The following LDLRAD3 variants were observed in gnomAD, a reference collection of about 807,000 sequenced individuals.
LDLRAD3 encodes the protein low density lipoprotein receptor class A domain containing 3.
A neutral mutation model predicts 29.4 loss-of-function variants in LDLRAD3; 20 were observed. The observed-to-expected ratio is 0.68, with a 90% CI of 0.48 to 0.99. The LOEUF (loss-of-function observed/expected upper bound fraction) is 0.99, where lower values mean the gene tolerates loss of function less well. Among genes scored for constraint, LDLRAD3 ranks in the 50% least tolerant of loss-of-function variants. The probability of loss-of-function intolerance (pLI) is 0.00; values close to 1 mark genes in which losing one functional copy is unlikely to be tolerated. For synonymous variants in LDLRAD3, 157 were observed against 192.7 expected, an observed-to-expected ratio of 0.81 and a Z score of 1.53; for missense variants, 420 against 454.3, an observed-to-expected ratio of 0.92 and a Z score of 0.69.
intron 4 of LDLRAD3, among the ~76,000 whole-genome samples, chr11:36,145,272 G>A (rs1485247752): frequency 2.1e-5 from 2 of 95,538 alleles, no homozygotes; most frequent in Non-Finnish European, 4.2e-5. Context: ...TCAGCCCCCC[G>A]CCCGGCCAGC....
At chr11:36,192,249 T>G (rs991431597) in intron 4 of LDLRAD3, among the ~76,000 whole-genome samples, 1 of 152,224 alleles carries the variant, frequency 6.6e-6, no homozygotes, top group Admixed American at 6.5e-5. Context: ...ACTTTAAACG[T>G]GAGCTATCAA....
At chr11:36,005,555 TC>T (rs1357037260) in intron 1 of LDLRAD3, among the ~76,000 whole-genome samples, 1 of 152,202 alleles carries the variant, frequency 6.6e-6, no homozygotes, top group African/African-American at 2.4e-5. Flanking sequence ...TCCCACATCT[TC>T]CTGCCTTCTT....
chr11:35,982,302 G>A (rs144930788), intron 1 of LDLRAD3, among the ~76,000 whole-genome samples: 1 of 152,086 alleles, frequency 6.6e-6, no homozygotes, highest in East Asian at 1.9e-4. Context: ...CTCTGCCTTC[G>A]TCGTGACATT....
At chr11:35,971,384 T>A (rs1399968702) in intron 1 of LDLRAD3, among the ~76,000 whole-genome samples, 5 of 152,174 alleles carry the variant, frequency 3.3e-5, no homozygotes, top group African/African-American at 1.2e-4. Context: ...AGAAGGTGAC[T>A]GTATTTGGAG....
intron 3 of LDLRAD3, among the ~76,000 whole-genome samples, chr11:36,092,055 C>T (rs367796302): frequency 1.4e-4 from 21 of 152,278 alleles, no homozygotes; most frequent in Non-Finnish European, 1.9e-4. Flanking sequence ...TGGTTAAGTA[C>T]GTCTGCTTAA....
chr11:36,207,508 G>A (rs181887201), intron 4 of LDLRAD3, among the ~76,000 whole-genome samples: 17 of 152,116 alleles, frequency 1.1e-4, no homozygotes, highest in Middle Eastern at 3.4e-3. Context: ...AAAATTAGCC[G>A]GCATGGTGGC....
intron 4 of LDLRAD3, among the ~76,000 whole-genome samples, chr11:36,138,315 T>C (rs1298449812): frequency 3.3e-5 from 5 of 152,258 alleles, no homozygotes; most frequent in African/African-American, 1.2e-4. Context: ...ATAATGTGTG[T>C]CGTGCCTAGC....
At position 36,164,163 on chromosome 11, in the gene LDLRAD3, G is replaced by A. The variant is rs547193311; in HGVS notation, c.455-62922G>A. On this transcript the variant is annotated intron_variant, in intron 4 of 5. Transcript: ENST00000315571. ...GTTGAGCCCTGGGAATCTCAGCCAC[G>A]CTCTGTCCCTGTGCATCTCATACAA... Among the ~76,000 whole-genome samples, 15 of 152,282 alleles carry A rather than the reference G, an allele frequency of 9.9e-5. No individual in the cohort carries two copies. The South Asian group carries it at 2.7e-3, about 27-fold the overall frequency.
At chr11:36,067,227 TATTA>T (rs1159609595) in intron 2 of LDLRAD3, among the ~76,000 whole-genome samples, 11 of 152,304 alleles carry the variant, frequency 7.2e-5, no homozygotes, top group South Asian at 2.1e-4. Context: ...ATTCCCCACG[TATTA>T]ATTAAGCATC....
intron 4 of LDLRAD3, among the ~76,000 whole-genome samples, chr11:36,151,903 A>C (rs2133328435): frequency 6.6e-6 from 1 of 152,312 alleles, no homozygotes; most frequent in South Asian, 2.1e-4. Flanking sequence ...AGCTGGGGCT[A>C]CCAGAGAGCT....
At chr11:35,961,001 C>A (rs550401086) in intron 1 of LDLRAD3, among the ~76,000 whole-genome samples, 1 of 152,280 alleles carries the variant, frequency 6.6e-6, no homozygotes, top group South Asian at 2.1e-4. Flanking sequence ...GATGGGGAAC[C>A]CCAAGGCCAT....
At chr11:36,033,547 G>T (rs409041) in intron 1 of LDLRAD3, among the ~76,000 whole-genome samples, 1 of 152,056 alleles carries the variant, frequency 6.6e-6, no homozygotes, top group African/African-American at 2.4e-5. Flanking sequence ...GGCTTGCCTT[G>T]GAGGAGCTAA....
chr11:36,098,540 A>G, intron 4 of LDLRAD3, 79 bp downstream of exon 4: 1 of 1,525,368 alleles, frequency 6.6e-7, no homozygotes, highest in Non-Finnish European at 9.0e-7. Flanking sequence ...GCAGAAAGCA[A>G]CACCCATTCC....
chr11:36,021,322 A>T (rs1350575149), intron 1 of LDLRAD3, among the ~76,000 whole-genome samples: 1 of 152,124 alleles, frequency 6.6e-6, no homozygotes, highest in Admixed American at 6.5e-5. Context: ...CAAAACTCTG[A>T]AGGCTGTTAA....
At chr11:36,144,737 C>T (rs2133319776) in intron 4 of LDLRAD3, among the ~76,000 whole-genome samples, 1 of 140,428 alleles carries the variant, frequency 7.1e-6, no homozygotes, top group South Asian at 2.4e-4. Flanking sequence ...GCCCGGCAGC[C>T]ACCCCGTCCG....
At position 36,229,532 on chromosome 11, in the gene LDLRAD3, T is replaced by G; in HGVS notation, c.*135T>G. ...TACAGTTTGGGATATTAACTATCTC[T>G]GCATTCCCCTCCTCCCCCAGACTTC... On this transcript the variant is annotated 3_prime_UTR_variant, in exon 6 of 6. Coordinates refer to ENST00000315571, the MANE Select transcript of LDLRAD3 (RefSeq NM_174902.4). 2 of 651,702 alleles carry G rather than the reference T, an allele frequency of 3.1e-6. No homozygotes were observed. Among genetic ancestry groups the G allele is most frequent in the Non-Finnish European group, 2.7e-6 (1 of 369,730 alleles). The allele number at this position is 651,702 out of a possible 1,614,324, so 40.4% of individuals were successfully genotyped here. A position where few individuals can be genotyped will look rare whatever the true frequency, so the allele number is the denominator to read the frequency against.
intron 4 of LDLRAD3, among the ~76,000 whole-genome samples, chr11:36,130,797 G>T (rs1457597430): frequency 6.6e-6 from 1 of 152,200 alleles, no homozygotes; most frequent in East Asian, 1.9e-4. Context: ...AGAGGCTGAG[G>T]CTGAGAGAGT....
At chr11:36,116,096 A>T (rs1173294446) in intron 4 of LDLRAD3, among the ~76,000 whole-genome samples, 1 of 152,184 alleles carries the variant, frequency 6.6e-6, no homozygotes, top group Non-Finnish European at 1.5e-5. Flanking sequence ...CTGGGAGGAA[A>T]TGTGAGAAAG....
At chr11:36,201,645 T>G (rs1855128316) in intron 4 of LDLRAD3, among the ~76,000 whole-genome samples, 1 of 152,238 alleles carries the variant, frequency 6.6e-6, no homozygotes, top group African/African-American at 2.4e-5. Context: ...TGAATATGCA[T>G]GAAACCATTT....
Sources: gnomAD v4.1 joint callset for allele counts (sites outside exome capture counted in the v4.1 genomes callset) on GRCh38, gnomAD v4.1.1 for gene constraint, MANE v1.5 for transcripts, NCBI Gene and HGNC (gene_info 2026-07-23, HGNC 2026-07-21) for gene names.